FRMD3: variants seen among roughly 807,000 people sequenced by gnomAD.
FRMD3 encodes FERM domain containing 3.
Under a neutral mutation model 70.2 loss-of-function variants are expected in FRMD3, and 33 were observed. The ratio of observed to expected loss-of-function variants is 0.47; its 90% confidence interval spans 0.36 to 0.63. FRMD3 has a LOEUF of 0.63. Among genes scored for constraint, FRMD3 ranks in the 20% least tolerant of loss-of-function variants. The pLI, the probability that FRMD3 is intolerant of heterozygous loss-of-function variation, is 0.00. For missense variants in FRMD3, 632 were observed against 711.4 expected (o/e 0.89, Z 1.27); for synonymous variants, 279 against 255.9 (o/e 1.09, Z -0.86).
intron 3 of FRMD3, among the ~76,000 whole-genome samples, chr9:83,351,258 G>C (rs1260173376): frequency 6.7e-6 from 1 of 150,172 alleles, no homozygotes; most frequent in Non-Finnish European, 1.5e-5. Flanking sequence ...GGATTTGATA[G>C]CATCTAAATT....
chr9:83,257,470 A>G (rs909495586), intron 13 of FRMD3, among the ~76,000 whole-genome samples: 5 of 152,292 alleles, frequency 3.3e-5, no homozygotes, highest in Admixed American at 3.3e-4. Flanking sequence ...ACGTTTACCT[A>G]TGTAACAAAC....
At chr9:83,426,681 G>A (rs1826820634) in intron 1 of FRMD3, among the ~76,000 whole-genome samples, 1 of 152,244 alleles carries the variant, frequency 6.6e-6, no homozygotes, top group African/African-American at 2.4e-5. Flanking sequence ...ACCGGTGTGA[G>A]AGGGATGGTT....
chr9:83,503,400 C>A (rs1217012632), intron 1 of FRMD3, among the ~76,000 whole-genome samples: 1 of 152,138 alleles, frequency 6.6e-6, no homozygotes, highest in Non-Finnish European at 1.5e-5. Context: ...CTGTGGTGAC[C>A]TCTAGAAGCT....
the FRMD3 span, among the ~76,000 whole-genome samples, chr9:83,571,631 C>T: frequency 6.6e-6 from 1 of 152,194 alleles, no homozygotes; most frequent in Non-Finnish European, 1.5e-5. Context: ...CTAGCTAAGA[C>T]AGAAATTATA....
chr9:83,299,796 G>C (rs909830473), intron 10 of FRMD3, among the ~76,000 whole-genome samples: 1 of 152,190 alleles, frequency 6.6e-6, no homozygotes, highest in South Asian at 2.1e-4. Context: ...TAAGATACAC[G>C]AGGCAGAAGC....
the FRMD3 span, among the ~76,000 whole-genome samples, chr9:83,581,927 T>G: frequency 1.3e-5 from 2 of 152,200 alleles, no homozygotes; most frequent in Non-Finnish European, 1.5e-5. Context: ...CATGGTTTCA[T>G]GTTAGAATGA....
intron 13 of FRMD3, 133 bp from the exon 14 acceptor site, chr9:83,248,649 T>C (rs1422326562): frequency 5.1e-6 from 5 of 982,620 alleles, no homozygotes; most frequent in Non-Finnish European, 7.2e-6. Context: ...TATCCTAAGT[T>C]GTAACAAAGT....
At chr9:83,499,720 C>A (rs1476658470) in intron 1 of FRMD3, among the ~76,000 whole-genome samples, 3 of 152,180 alleles carry the variant, frequency 2.0e-5, no homozygotes, top group African/African-American at 7.2e-5. Context: ...CTGTTTCTTA[C>A]AAGCTAAAAA....
chr9:83,319,478 G>A (rs907437869), intron 6 of FRMD3, among the ~76,000 whole-genome samples: 1 of 152,178 alleles, frequency 6.6e-6, no homozygotes, highest in Non-Finnish European at 1.5e-5. Flanking sequence ...CTGAAATGCA[G>A]TGGCATGATC....
the FRMD3 span, among the ~76,000 whole-genome samples, chr9:83,551,123 T>A: frequency 1.3e-5 from 2 of 152,164 alleles, no homozygotes; most frequent in African/African-American, 4.8e-5. Flanking sequence ...TTGTCATAGA[T>A]GGATCTATTT....
intron 1 of FRMD3, among the ~76,000 whole-genome samples, chr9:83,486,424 A>G (rs75054203): frequency 1.3e-5 from 2 of 152,298 alleles, no homozygotes; most frequent in East Asian, 3.9e-4. Context: ...CTGTCATTCA[A>G]ATAGCCAAGC....
intron 1 of FRMD3, among the ~76,000 whole-genome samples, chr9:83,442,300 C>G (rs372313833): frequency 6.8e-6 from 1 of 148,104 alleles, no homozygotes; most frequent in Non-Finnish European, 1.5e-5. Context: ...TTCTGTTGCC[C>G]AGGCTGGAGT....
chr9:83,356,271 A>ATTTTT (rs869149609), intron 3 of FRMD3, among the ~76,000 whole-genome samples: 10 of 94,434 alleles, frequency 1.1e-4, no homozygotes, highest in South Asian at 3.7e-4. Context: ...ACTCAGCAGC[A>ATTTTT]TTTTTTTTTT....
intron 1 of FRMD3, among the ~76,000 whole-genome samples, chr9:83,410,058 C>A (rs546153524): frequency 6.6e-6 from 1 of 152,204 alleles, no homozygotes; most frequent in Non-Finnish European, 1.5e-5. Context: ...GCAAAATCAT[C>A]CCTGTGTCTT....
At chr9:83,410,145 T>G (rs1826238789) in intron 1 of FRMD3, among the ~76,000 whole-genome samples, 1 of 152,188 alleles carries the variant, frequency 6.6e-6, no homozygotes, top group African/African-American at 2.4e-5. Context: ...TTAAATTAAT[T>G]AATTTACTTT....
chr9:83,407,948 G>T (rs1373708905), intron 1 of FRMD3, among the ~76,000 whole-genome samples: 1 of 131,136 alleles, frequency 7.6e-6, no homozygotes, highest in Non-Finnish European at 1.6e-5. Flanking sequence ...TTCTCTCCAT[G>T]CAGCTCTCCA....
chr9:83,276,231 C>G (rs1312597618), intron 13 of FRMD3: 2 of 152,272 alleles, frequency 1.3e-5, no homozygotes, highest in Middle Eastern at 6.8e-3. Context: ...TTAGAACAGC[C>G]TATTTTGGTT....
intron 1 of FRMD3, among the ~76,000 whole-genome samples, chr9:83,463,152 A>AT (rs1398875927): frequency 1.3e-5 from 2 of 152,188 alleles, no homozygotes; most frequent in Non-Finnish European, 2.9e-5. Flanking sequence ...ATCAGCAAGC[A>AT]TTTTGTTCTG....
At chr9:83,354,652 TA>T (rs1564030942) in intron 3 of FRMD3, among the ~76,000 whole-genome samples, 1 of 152,026 alleles carries the variant, frequency 6.6e-6, no homozygotes, top group Non-Finnish European at 1.5e-5. Flanking sequence ...GAATCTAAAA[TA>T]AAAGTTAAAA....
Sources: gnomAD v4.1 joint callset for allele counts (sites outside exome capture counted in the v4.1 genomes callset) on GRCh38, gnomAD v4.1.1 for gene constraint, MANE v1.5 for transcripts, NCBI Gene and HGNC (gene_info 2026-07-23, HGNC 2026-07-21) for gene names.